The following RANBP10 variants were observed in gnomAD, a reference collection of about 807,000 sequenced individuals.
RANBP10 encodes the protein ran-binding protein 10.
Under a neutral mutation model 72.8 loss-of-function variants are expected in RANBP10, and 24 were observed. The ratio of observed to expected loss-of-function variants is 0.33; its 90% CI spans 0.24 to 0.46. RANBP10 has a LOEUF of 0.46. Ranked by LOEUF, RANBP10 falls within the 20% of genes least tolerant of loss-of-function variation. RANBP10 has a pLI of 1.00. For missense variants in RANBP10, 679 were observed against 817.5 expected (o/e 0.83, Z 2.07); for synonymous variants, 310 against 322.3 (o/e 0.96, Z 0.41).
intron 5 of RANBP10, chr16:67,735,851 A>G (rs2053836427): frequency 6.6e-6 from 1 of 152,226 alleles, no homozygotes; most frequent in African/African-American, 2.4e-5. Flanking sequence ...GGAGGGGAAC[A>G]TGGCAAAAGG....
intron 2 of RANBP10, among the ~76,000 whole-genome samples, chr16:67,775,688 C>T (rs2054691006): frequency 6.6e-6 from 1 of 150,826 alleles, no homozygotes; most frequent in Non-Finnish European, 1.5e-5. Flanking sequence ...ACCTGTAATT[C>T]CAGCTGCTTA....
Position 67,729,828 on chromosome 16 carries a change from C to T in RANBP10, c.999G>A (p.Lys333=). ...EHNPNLLFML[K]CRQFVEMVNG... is the part of the protein sequence containing the mutation. ...TCACCATCTCCACAAACTGCCGGCA[C>T]CTGTGGAGGGAGCGGAGCAATAATG... Residue 333 remains lysine (K), a splice_region_variant and synonymous_variant, in exon 9 of 14, where the codon AAG becomes AAA. Transcript: ENST00000317506. This position sits in a 1 kb window ranked among gnomAD's most constrained non-coding sequence, Gnocchi z 7.1. The T allele has an allele frequency of 1.2e-6, 2 of 1,613,788 alleles. No homozygotes were observed. The highest frequency in any genetic ancestry group is 1.7e-6 in the Non-Finnish European group (2 of 1,179,904).
rs1184852565 is a variant in RANBP10, at chr16:67,773,497, C to T, written c.348-1411G>A. On this transcript the variant is annotated intron_variant, in intron 2 of 13. Coordinates refer to ENST00000317506, the MANE Select transcript of RANBP10 (RefSeq NM_020850.3). ...CAGTCCTTTATTGGCAGTAAATGCCCTTTTGCCTTTCTCTGGGTTGCTGCA... is the reference window on the plus strand; with the variant it reads ...CAGTCCTTTATTGGCAGTAAATGCCTTTTTGCCTTTCTCTGGGTTGCTGCA... 2.0e-5 allele frequency among the ~76,000 whole-genome samples: 3 copies of T among 152,316 alleles called. No homozygotes were observed. The East Asian group carries it at 5.8e-4, about 29-fold the overall frequency.
At chr16:67,754,551 C>G (rs1461146788) in intron 3 of RANBP10, among the ~76,000 whole-genome samples, 1 of 152,178 alleles carries the variant, frequency 6.6e-6, no homozygotes, top group Non-Finnish European at 1.5e-5. Context: ...CTCCCCAGGC[C>G]TTGAGAAGTT....
intron 5 of RANBP10, among the ~76,000 whole-genome samples, chr16:67,737,232 G>T (rs1005206909): frequency 2.4e-4 from 28 of 118,968 alleles, no homozygotes; most frequent in Non-Finnish European, 4.5e-4. Context: ...ACGGAGGCTC[G>T]CTCTGTCGCC....
chr16:67,805,666 A>G (rs1361451441), intron 1 of RANBP10, 127 bp from the exon 2 acceptor site: 1 of 710,944 alleles, frequency 1.4e-6, no homozygotes, highest in Non-Finnish European at 2.4e-6. Flanking sequence ...ACACAGGCCG[A>G]GGAATCATTA....
At chr16:67,804,685 GC>G (rs919452898) in intron 2 of RANBP10, among the ~76,000 whole-genome samples, 3 of 152,036 alleles carry the variant, frequency 2.0e-5, no homozygotes, top group Non-Finnish European at 4.4e-5. Context: ...TTACAGGTAT[GC>G]CAGTTAATTT....
chr16:67,727,991 C>G, intron 11 of RANBP10, 95 bp from the exon 12 acceptor site: 3 of 1,402,940 alleles, frequency 2.1e-6, no homozygotes, highest in Middle Eastern at 3.6e-4. Context: ...TGGGCTGCAG[C>G]TTCTGCCAGA....
At chr16:67,776,461 C>CAAAAAAAAAAAAAAAAAAAAAA (rs149876935) in intron 2 of RANBP10, among the ~76,000 whole-genome samples, 1 of 37,896 alleles carries the variant, frequency 2.6e-5, no homozygotes. Flanking sequence ...GACTCCATCT[C>CAAAAAAAAAAAAAAAAAAAAAA]AAAAAAAAAA....
In RANBP10 at chr16:67,729,920, G is replaced by A. The variant is rs748053054; in HGVS notation, c.998+18C>T. 6 of 1,613,570 alleles carry A rather than the reference G, an allele frequency of 3.7e-6. No individual in the cohort carries two copies. Among genetic ancestry groups the A allele is most frequent in the Middle Eastern group, 1.6e-4 (1 of 6,084 alleles). The stretch of plus-strand genomic sequence containing the variant: ...GAGGGGCTGGACTCTGGGGGAGCTG[G>A]GGGTGCCCAAGACTTACTTGAGCAT... On this transcript the variant is annotated intron_variant, in intron 8 of 13. Coordinates refer to ENST00000317506, the MANE Select transcript of RANBP10 (RefSeq NM_020850.3). The surrounding 1 kb of genome is among the most constrained non-coding windows in gnomAD (Gnocchi z 7.1).
At chr16:67,771,927 G>A in intron 3 of RANBP10, 107 bp downstream of exon 3, 13 of 1,294,628 alleles carry the variant, frequency 1.0e-5, no homozygotes, top group Middle Eastern at 1.9e-4. Flanking sequence ...GCTTGAGGTA[G>A]GCAGCTAGCA....
At chr16:67,734,448 G>C (rs1054032952) in intron 6 of RANBP10, among the ~76,000 whole-genome samples, 1 of 152,216 alleles carries the variant, frequency 6.6e-6, no homozygotes, top group Admixed American at 6.5e-5. Context: ...AGACTCAGTT[G>C]GATGCTGGGC....
chr16:67,767,816 T>G (rs1299078217), intron 3 of RANBP10, among the ~76,000 whole-genome samples: 1 of 152,130 alleles, frequency 6.6e-6, no homozygotes. Context: ...CAGGATGGTC[T>G]TGATCTCCTG....
chr16:67,745,489 C>G (rs2054053940), intron 3 of RANBP10, among the ~76,000 whole-genome samples: 1 of 151,860 alleles, frequency 6.6e-6, no homozygotes, highest in South Asian at 2.1e-4. Flanking sequence ...TGTGCGCCAC[C>G]ATGCCCAGCT....
intron 2 of RANBP10, among the ~76,000 whole-genome samples, chr16:67,772,422 G>A (rs961268355): frequency 1.3e-5 from 2 of 152,156 alleles, no homozygotes; most frequent in Non-Finnish European, 2.9e-5. Flanking sequence ...CTATTCCTAA[G>A]ATGTGCCTAA....
intron 4 of RANBP10, chr16:67,739,137 T>C (rs2053917103): frequency 6.6e-6 from 1 of 152,142 alleles, no homozygotes. Flanking sequence ...TATATATTTT[T>C]GTATTTTTGG....
Position 67,795,915 on chromosome 16 carries a change from A to ATTT in RANBP10, c.347+9510_347+9512dup, listed in dbSNP as rs987432243. 2.2e-5 allele frequency among the ~76,000 whole-genome samples: 3 copies of ATTT among 134,228 alleles called. 1 individual carries two copies. The highest frequency in any genetic ancestry group is 1.5e-4 in the Admixed American group (2 of 13,104). 88.1% of individuals were successfully genotyped at this position (134,228 alleles called of 152,430 possible). A position where few individuals can be genotyped will look rare whatever the true frequency, so the allele number is the denominator to read the frequency against. ...CTATACGTAAAATAAAAATATTTTG[A>ATTT]TTTTTTTTTTTTTTTTTTGGAGACA... is the stretch of plus-strand genomic sequence containing the variant. On this transcript the variant is annotated intron_variant, in intron 2 of 13. Coordinates refer to ENST00000317506, the MANE Select transcript of RANBP10 (RefSeq NM_020850.3).
At position 67,729,831 on chromosome 16, in the gene RANBP10, G is replaced by A. The variant is rs2053689162; in HGVS notation, c.999-3C>T. ...CCATCTCCACAAACTGCCGGCACCT[G>A]TGGAGGGAGCGGAGCAATAATGCTC... is the stretch of plus-strand genomic sequence containing the variant. On this transcript the variant is annotated splice_polypyrimidine_tract_variant and splice_region_variant and intron_variant, in intron 8 of 13. Transcript: ENST00000317506. This position sits in a 1 kb window ranked among gnomAD's most constrained non-coding sequence, Gnocchi z 7.1. 6.2e-7 allele frequency: 1 copy of A among 1,613,762 alleles called. No homozygotes were observed. Among genetic ancestry groups the A allele is most frequent in the Admixed American group, 1.7e-5 (1 of 60,004 alleles).
intron 2 of RANBP10, among the ~76,000 whole-genome samples, chr16:67,804,866 A>T (rs1468681333): frequency 1.3e-5 from 2 of 152,114 alleles, no homozygotes; most frequent in African/African-American, 4.8e-5. Flanking sequence ...CCTAAAGTTG[A>T]TCCAACTAGT....
Sources: gnomAD v4.1 joint callset for allele counts (sites outside exome capture counted in the v4.1 genomes callset) on GRCh38, gnomAD v4.1.1 for gene constraint, Gnocchi (gnomAD v3.1) non-coding constraint, MANE v1.5 for transcripts, NCBI Gene and HGNC (gene_info 2026-07-23, HGNC 2026-07-21) for gene names.